TIPRL: variants seen among roughly 807,000 people sequenced by gnomAD.
TIPRL encodes the protein TOR signaling pathway regulator.
Under a neutral mutation model 32.3 loss-of-function variants are expected in TIPRL, and 10 were observed. The observed-to-expected ratio is 0.31, with a 90% CI of 0.19 to 0.52. The LOEUF (loss-of-function observed/expected upper bound fraction) is 0.52. TIPRL is among the 20% of genes least tolerant of loss of function. The pLI, the probability that TIPRL is intolerant of heterozygous loss-of-function variation, is 0.96. For synonymous variants in TIPRL, 100 were observed against 114.0 expected, an observed-to-expected ratio of 0.88 and a Z score of 0.78; for missense variants, 250 against 328.1, an observed-to-expected ratio of 0.76 and a Z score of 1.84.
intron 1 of TIPRL, 106 bp downstream of exon 1, chr1:168,179,287 T>C: frequency 4.1e-6 from 4 of 968,988 alleles, no homozygotes; most frequent in Non-Finnish European, 6.4e-6. Flanking sequence ...AGGCGGAGGT[T>C]CGGTCCCTCC....
intron 1 of TIPRL, among the ~76,000 whole-genome samples, chr1:168,181,114 C>T (rs1394637311): frequency 6.6e-6 from 1 of 151,832 alleles, no homozygotes; most frequent in African/African-American, 2.4e-5. Flanking sequence ...TCCCTGGTAG[C>T]TGAGACTACA....
Position 168,184,780 on chromosome 1 carries a change from A to G in TIPRL, c.286A>G (p.Thr96Ala), listed in dbSNP as rs937328464. The stretch of plus-strand genomic sequence containing the variant: ...ATCCTTCTCATTTTGGTATTTGAGG[A>G]CGGAGGGTGAACACTCCAAAGAGGT... ...ACAEEWQESR[T>A]EGEHSKEVIK... Residue 96 changes from threonine to alanine, a missense_variant and splice_region_variant, in exon 3 of 7, where the codon ACG (threonine) becomes GCG (alanine). Transcript: ENST00000367833. The G allele has an allele frequency of 2.5e-6, 4 of 1,603,400 alleles. No homozygotes were observed. In the African/African-American group the frequency reaches 5.4e-5, roughly 21 times the overall value.
chr1:168,192,517 C>A (rs1356073431), intron 4 of TIPRL: 5 of 640,412 alleles, frequency 7.8e-6, no homozygotes, highest in Non-Finnish European at 9.7e-6. Flanking sequence ...GACCCAAAGA[C>A]CCAGCTAAAA....
At chr1:168,188,728 C>G (rs1700057968) in intron 3 of TIPRL, among the ~76,000 whole-genome samples, 3 of 152,074 alleles carry the variant, frequency 2.0e-5, no homozygotes, top group Non-Finnish European at 2.9e-5. Flanking sequence ...ACCTGAATCC[C>G]AATACTTTAG....
intron 4 of TIPRL, among the ~76,000 whole-genome samples, chr1:168,192,846 A>G (rs1700114919): frequency 6.9e-6 from 1 of 144,292 alleles, no homozygotes; most frequent in African/African-American, 2.8e-5. Context: ...AGATCGTGCC[A>G]CTGCACTCCA....
intron 2 of TIPRL, 129 bp from the exon 3 acceptor site, chr1:168,184,650 G>T: frequency 1.5e-6 from 1 of 688,700 alleles, no homozygotes. Flanking sequence ...CCTTGTACTG[G>T]TGAATTATAA....
Position 168,196,468 on chromosome 1 carries a change from T to C in TIPRL, c.517-79T>C, listed in dbSNP as rs909445630. On this transcript the variant is annotated intron_variant, in intron 4 of 6. Transcript: ENST00000367833. ...TCCAGGGTTTTTTTGTTTTTTGTTTTCAAATTTTTTCTTTCAGCAAAGTAA... is the reference window on the plus strand; with the variant it reads ...TCCAGGGTTTTTTTGTTTTTTGTTTCCAAATTTTTTCTTTCAGCAAAGTAA... 18 of 1,059,124 alleles carry C rather than the reference T, an allele frequency of 1.7e-5. No homozygotes were observed. The African/African-American group carries it at 3.0e-4, about 17-fold the overall frequency. 65.6% of individuals were successfully genotyped at this position (1,059,124 alleles called of 1,614,324 possible).
intron 2 of TIPRL, among the ~76,000 whole-genome samples, chr1:168,184,364 A>G (rs1700003130): frequency 6.6e-6 from 1 of 152,224 alleles, no homozygotes; most frequent in African/African-American, 2.4e-5. Flanking sequence ...GCAGTAGGCT[A>G]TACTTAATGT....
At chr1:168,187,257 T>C (rs912415519) in intron 3 of TIPRL, among the ~76,000 whole-genome samples, 6 of 152,194 alleles carry the variant, frequency 3.9e-5, no homozygotes, top group Non-Finnish European at 5.9e-5. Context: ...TAATATTTCA[T>C]TGCCAGGAGT....
At chr1:168,179,848 A>G (rs1018121400) in intron 1 of TIPRL, among the ~76,000 whole-genome samples, 1 of 152,112 alleles carries the variant, frequency 6.6e-6, no homozygotes, top group Non-Finnish European at 1.5e-5. Flanking sequence ...TCTTGACAAA[A>G]TTTAGGGGAA....
At position 168,179,157 on chromosome 1, in the gene TIPRL, T is replaced by A; in HGVS notation, c.80T>A (p.Ile27Asn). The change falls in exon 1 of 7, where the codon ATC (isoleucine) becomes AAC (asparagine). Residue 27 changes from isoleucine (I) to asparagine (N), a missense_variant. Ile to Asn is a moderately radical substitution (Grantham distance 149, BLOSUM62 -3). Coordinates refer to ENST00000367833, the MANE Select transcript of TIPRL (RefSeq NM_152902.5). ...AAGCTGACGGCGTCCAAGACCCACA[T>A]CATGAAGTCGGCGGATGTGGAGAAG... The part of the protein sequence containing the change: ...PWKLTASKTH[I>N]MKSADVEKLA... 1 of 1,614,004 alleles carries A rather than the reference T, an allele frequency of 6.2e-7. No individual in the cohort carries two copies. Among genetic ancestry groups the A allele is most frequent in the Non-Finnish European group, 8.5e-7 (1 of 1,179,934 alleles).
chr1:168,192,362 AAAAT>A (rs1490285842), intron 4 of TIPRL: 81 of 1,002,400 alleles, frequency 8.1e-5, no homozygotes, highest in Admixed American at 1.1e-4. Context: ...TCAAAAAAAA[AAAAT>A]AAAATAAAAT....
At chr1:168,185,830 A>G (rs1417693888) in intron 3 of TIPRL, among the ~76,000 whole-genome samples, 1 of 150,986 alleles carries the variant, frequency 6.6e-6, no homozygotes, top group Non-Finnish European at 1.5e-5. Context: ...TAATCCCAGC[A>G]CTTTGGGAGG....
chr1:168,184,020 T>C lies in TIPRL; in HGVS notation c.223T>C (p.Cys75Arg), dbSNP rs758938659. The C allele has an allele frequency of 1.9e-6, 3 of 1,614,018 alleles. No individual in the cohort carries two copies. Among genetic ancestry groups the C allele is most frequent in the East Asian group, 2.2e-5 (1 of 44,886 alleles). Residue 75 changes from cysteine (C) to arginine (R), a missense_variant, in exon 2 of 7, where the codon TGT becomes CGT. Coordinates refer to ENST00000367833, the MANE Select transcript of TIPRL (RefSeq NM_152902.5). Reference protein sequence around the residue: ...IEFNATDALRCVNNYQGMLKV... With the variant: ...IEFNATDALRRVNNYQGMLKV... ...GTTCAATGCTACAGATGCGTTAAGA[T>C]GTGTAAACAACTACCAAGGAATGCT...
rs575655525 is a variant in TIPRL at position 168,200,334 on chromosome 1, G to A, written c.*288G>A. The A allele has an allele frequency of 1.2e-4, 33 of 284,304 alleles. No homozygotes were observed. Among genetic ancestry groups the A allele is most frequent in the Non-Finnish European group, 1.9e-4 (28 of 149,262 alleles). The allele number at this position is 284,304 out of a possible 1,614,324, so 17.6% of individuals were successfully genotyped here. On this transcript the variant is annotated 3_prime_UTR_variant, in exon 7 of 7. Transcript: ENST00000367833. ...CAGTAGTGATGTGTGTGTCTCATGAGCAGTGAGCACAGTCTGCATTCATCA... is the reference window on the plus strand; with the variant it reads ...CAGTAGTGATGTGTGTGTCTCATGAACAGTGAGCACAGTCTGCATTCATCA...
chr1:168,195,443 C>G (rs371348467), intron 4 of TIPRL, among the ~76,000 whole-genome samples: 1 of 152,178 alleles, frequency 6.6e-6, no homozygotes, highest in Non-Finnish European at 1.5e-5. Flanking sequence ...TGACCTTTCC[C>G]TGGCTGATAA....
At chr1:168,189,990 G>T (rs1157811657) in intron 3 of TIPRL, among the ~76,000 whole-genome samples, 1 of 152,214 alleles carries the variant, frequency 6.6e-6, no homozygotes, top group Admixed American at 6.5e-5. Flanking sequence ...GGATTCAGGA[G>T]TATCTATAAG....
At chr1:168,186,597 C>T (rs1700030973) in intron 3 of TIPRL, among the ~76,000 whole-genome samples, 1 of 152,084 alleles carries the variant, frequency 6.6e-6, no homozygotes. Flanking sequence ...TCAGCGTAAC[C>T]TGAAATATTT....
chr1:168,198,912 A>T lies in TIPRL; in HGVS notation c.613-7A>T, dbSNP rs773468332. The T allele has an allele frequency of 3.1e-6, 5 of 1,606,896 alleles. No homozygotes were observed. In the South Asian group the frequency reaches 5.6e-5, roughly 18 times the overall value. On this transcript the variant is annotated splice_region_variant and splice_polypyrimidine_tract_variant and intron_variant, in intron 5 of 6. Coordinates refer to ENST00000367833, the MANE Select transcript of TIPRL (RefSeq NM_152902.5). ...AATTTATTGCAACTGTTTATTTTTA[A>T]ATACAGGCTGACAAGACCTACATGT...
Sources: allele counts gnomAD v4.1 joint callset (sites outside exome capture counted in the v4.1 genomes callset), GRCh38; gene constraint gnomAD v4.1.1; transcripts MANE v1.5; gene names NCBI Gene and HGNC (gene_info 2026-07-23, HGNC 2026-07-21).